The following DSCAM variants were observed in gnomAD, a reference collection of about 807,000 sequenced individuals.
DSCAM encodes the protein cell adhesion molecule DSCAM.
DSCAM carries 47 observed loss-of-function variants against 217.7 expected under a neutral mutation model. The observed-to-expected ratio is 0.22, with a 90% CI of 0.17 to 0.28. DSCAM has a LOEUF of 0.28. DSCAM is among the 10% of genes least tolerant of loss of function. The pLI is 1.00. For synonymous variants in DSCAM, 1,056 were observed against 1,015.3 expected (o/e 1.04, Z -0.76); for missense variants, 2,080 against 2,618.3 (o/e 0.79, Z 4.49).
chr21:40,820,493 A>G (rs543766321), intron 1 of DSCAM, among the ~76,000 whole-genome samples: 1 of 152,278 alleles, frequency 6.6e-6, no homozygotes, highest in African/African-American at 2.4e-5. Flanking sequence ...GAGCATTAGG[A>G]CAAATACCTA....
intron 1 of DSCAM, among the ~76,000 whole-genome samples, chr21:40,779,666 T>C (rs1456369684): frequency 6.6e-6 from 1 of 151,996 alleles, no homozygotes. Flanking sequence ...AATAGGTGAG[T>C]TGATGGGAGG....
intron 9 of DSCAM, among the ~76,000 whole-genome samples, chr21:40,311,494 T>C (rs1469250989): frequency 6.6e-6 from 1 of 152,242 alleles, no homozygotes; most frequent in African/African-American, 2.4e-5. Flanking sequence ...TAGCCTACCC[T>C]ATTTTAATTT....
intron 3 of DSCAM, among the ~76,000 whole-genome samples, chr21:40,548,360 A>C (rs753158462): frequency 3.9e-5 from 6 of 152,104 alleles, no homozygotes; most frequent in Non-Finnish European, 7.3e-5. Context: ...ACTGATCTTT[A>C]AGTAAGTGAA....
At chr21:40,123,976 A>C (rs1403762132) in intron 20 of DSCAM, among the ~76,000 whole-genome samples, 1 of 152,160 alleles carries the variant, frequency 6.6e-6, no homozygotes, top group African/African-American at 2.4e-5. Flanking sequence ...ATAAACAATA[A>C]TTCCAGACAA....
Position 40,012,902 on chromosome 21 carries a change from T to TC in DSCAM, c.*131_*132insG. 2 of 649,952 alleles carry TC rather than the reference T, an allele frequency of 3.1e-6. No homozygotes were observed. The highest frequency in any genetic ancestry group is 4.3e-6 in the Non-Finnish European group (2 of 461,858). 40.3% of individuals were successfully genotyped at this position (649,952 alleles called of 1,614,324 possible). On this transcript the variant is annotated 3_prime_UTR_variant, in exon 33 of 33. Transcript: ENST00000400454. The stretch of plus-strand genomic sequence containing the variant: ...TTTGCACTGTCTGTGGTTTCAGTAT[T>TC]TTCTCTTTTTTTTTTTTAATATATT...
chr21:40,256,085 T>A (rs2073366429), intron 11 of DSCAM, among the ~76,000 whole-genome samples: 1 of 152,228 alleles, frequency 6.6e-6, no homozygotes, highest in Non-Finnish European at 1.5e-5. Flanking sequence ...ACAGAAGGTA[T>A]CCAATGTATG....
rs767870931 is a variant in DSCAM, at chr21:40,087,301, C to T, written c.3851-14G>A. On this transcript the variant is annotated splice_polypyrimidine_tract_variant and intron_variant, in intron 21 of 32. Transcript: ENST00000400454. ...TTCGTGCAGGAGCTGAGGAACCAAA[C>T]AAAGTGGAATCCTGATTACTCCACA... The T allele has an allele frequency of 2.4e-5, 38 of 1,598,452 alleles. No individual in the cohort carries two copies. The highest frequency in any genetic ancestry group is 3.2e-5 in the Non-Finnish European group (37 of 1,165,908).
chr21:40,607,103 C>T (rs1030048338), intron 3 of DSCAM, among the ~76,000 whole-genome samples: 2 of 152,144 alleles, frequency 1.3e-5, no homozygotes. Context: ...AAAACACAGT[C>T]CCACCACTGA....
intron 29 of DSCAM, among the ~76,000 whole-genome samples, chr21:40,053,827 G>A (rs890491509): frequency 5.9e-5 from 9 of 152,144 alleles, no homozygotes; most frequent in Non-Finnish European, 1.0e-4. Context: ...ACCAGCTCTT[G>A]GAAGGCCATA....
At chr21:40,681,283 G>A (rs945573357) in intron 3 of DSCAM, among the ~76,000 whole-genome samples, 3 of 152,186 alleles carry the variant, frequency 2.0e-5, no homozygotes, top group African/African-American at 7.2e-5. Flanking sequence ...AGGACTGCCT[G>A]GATCCTGTCC....
At chr21:40,663,068 T>TGA in intron 3 of DSCAM, among the ~76,000 whole-genome samples, 1 of 145,846 alleles carries the variant, frequency 6.9e-6, no homozygotes, top group Non-Finnish European at 1.5e-5. Context: ...TGCGCACCTG[T>TGA]GTGTATGCCA....
chr21:40,679,234 C>G (rs56076602), intron 3 of DSCAM, among the ~76,000 whole-genome samples: 6,991 of 152,278 alleles, frequency 0.046, 244 homozygotes, highest in Non-Finnish European at 0.072. Context: ...CCACCACTCT[C>G]ATGGAAAAGT....
At chr21:40,643,065 A>G (rs1470386134) in intron 3 of DSCAM, among the ~76,000 whole-genome samples, 1 of 152,120 alleles carries the variant, frequency 6.6e-6, no homozygotes, top group Non-Finnish European at 1.5e-5. Flanking sequence ...ACTGTTTTCT[A>G]TTAGAGGGAT....
At chr21:40,456,156 TTGC>T (rs2075761835) in intron 3 of DSCAM, among the ~76,000 whole-genome samples, 3 of 151,930 alleles carry the variant, frequency 2.0e-5, no homozygotes, top group African/African-American at 7.2e-5. Context: ...AGAAGTATCA[TTGC>T]AAGAAGGCTT....
At chr21:40,541,658 G>T (rs902780181) in intron 3 of DSCAM, among the ~76,000 whole-genome samples, 1 of 152,034 alleles carries the variant, frequency 6.6e-6, no homozygotes, top group Non-Finnish European at 1.5e-5. Context: ...AAGTGCGTAA[G>T]TATATATAAG....
intron 1 of DSCAM, among the ~76,000 whole-genome samples, chr21:40,778,835 A>T (rs907472785): frequency 1.3e-5 from 2 of 151,908 alleles, no homozygotes; most frequent in Non-Finnish European, 2.9e-5. Flanking sequence ...GACCAACCTG[A>T]CCAAAATGGA....
At chr21:40,177,071 T>C (rs1174560044) in intron 15 of DSCAM, among the ~76,000 whole-genome samples, 3 of 152,126 alleles carry the variant, frequency 2.0e-5, no homozygotes, top group Non-Finnish European at 4.4e-5. Flanking sequence ...AAGGAGAAGA[T>C]TGAGCAGGAA....
intron 27 of DSCAM, among the ~76,000 whole-genome samples, chr21:40,066,195 T>A (rs992535518): frequency 6.6e-6 from 1 of 152,240 alleles, no homozygotes; most frequent in Admixed American, 6.5e-5. Context: ...GGGTTGTCTT[T>A]CTCTTGGCCC....
chr21:40,302,892 T>G (rs765865379), intron 9 of DSCAM, among the ~76,000 whole-genome samples: 2 of 152,206 alleles, frequency 1.3e-5, no homozygotes, highest in Non-Finnish European at 2.9e-5. Flanking sequence ...TGTTTCATTT[T>G]TAAAGAAATA....
Sources: allele counts gnomAD v4.1 joint callset (sites outside exome capture counted in the v4.1 genomes callset), GRCh38; gene constraint gnomAD v4.1.1; transcripts MANE v1.5; gene names NCBI Gene and HGNC (gene_info 2026-07-23, HGNC 2026-07-21).